The following ITIH1 variants were observed in gnomAD, a reference collection of about 807,000 sequenced individuals.
ITIH1 encodes the protein inter-alpha-trypsin inhibitor heavy chain H1.
A neutral mutation model predicts 104.6 loss-of-function variants in ITIH1; 94 were observed. That is an observed-to-expected ratio of 0.90 (90% CI 0.76 to 1.07). ITIH1 has a LOEUF of 1.07. Ranked by LOEUF, ITIH1 falls within the 50% of genes least tolerant of loss-of-function variation. The pLI, the probability that ITIH1 is intolerant of heterozygous loss-of-function variation, is 0.00. For missense variants in ITIH1, 1,193 were observed against 1,181.4 expected (o/e 1.01, Z -0.14); for synonymous variants, 455 against 464.4 (o/e 0.98, Z 0.26).
intron 18 of ITIH1, among the ~76,000 whole-genome samples, chr3:52,789,239 G>A (rs1699284228): frequency 6.6e-6 from 1 of 152,222 alleles, no homozygotes; most frequent in Non-Finnish European, 1.5e-5. Context: ...CATGAGACGT[G>A]CTGGGTTGGC....
At chr3:52,789,973 G>A (rs1699309906) in intron 19 of ITIH1, 119 bp downstream of exon 19, 1 of 1,000,542 alleles carries the variant, frequency 1.0e-6, no homozygotes, top group Admixed American at 2.0e-5. Context: ...CATGTGGCCT[G>A]TGCAGACATG....
intron 12 of ITIH1, among the ~76,000 whole-genome samples, chr3:52,785,491 A>T (rs1699177087): frequency 6.6e-6 from 1 of 152,174 alleles, no homozygotes; most frequent in East Asian, 1.9e-4. Flanking sequence ...TATTTTTCGC[A>T]TCATTCATCC....
In ITIH1 at chr3:52,781,927, T is replaced by A; in HGVS notation, c.688-13T>A. 1 of 1,614,018 alleles carries A rather than the reference T, an allele frequency of 6.2e-7. No individual in the cohort carries two copies. Among genetic ancestry groups the A allele is most frequent in the Non-Finnish European group, 8.5e-7 (1 of 1,179,960 alleles). On this transcript the variant is annotated splice_polypyrimidine_tract_variant and intron_variant, in intron 6 of 21. Transcript: ENST00000273283. ...CACAGACCAGTAATGGCTCACACTC[T>A]CGACGGTTCCAGGGTCATGTGCTGT...
At chr3:52,790,690 C>G (rs1699329943) in intron 19 of ITIH1, 59 bp from the exon 20 acceptor site, 1 of 1,554,840 alleles carries the variant, frequency 6.4e-7, no homozygotes, top group Non-Finnish European at 8.8e-7. Context: ...ACAAGGGCAG[C>G]TGAATGGAGA....
rs1699141340 is a variant in ITIH1, at chr3:52,784,319, C to T, written c.1249C>T (p.Leu417Phe). ...TEGVTDRSQI[L>F]KNVRNAIRGR... is the part of the protein sequence containing the mutation. ...AGGGGTGACGGACCGTTCCCAAATC[C>T]TCAAGAACGTCCGCAACGCCATCCG... is the stretch of plus-strand genomic sequence containing the variant. Residue 417 changes from leucine (L) to phenylalanine (F), a missense_variant, in exon 11 of 22, where the codon CTC (leucine) becomes TTC (phenylalanine). Transcript: ENST00000273283. 1 of 1,613,946 alleles carries T rather than the reference C, an allele frequency of 6.2e-7. No individual in the cohort carries two copies. The highest frequency in any genetic ancestry group is 8.5e-7 in the Non-Finnish European group (1 of 1,179,906).
In ITIH1 at chr3:52,791,906, T is replaced by G. The variant is rs778217291; in HGVS notation, c.2731T>G (p.Phe911Val). ...AYTDYIVPDI[F>V] ...CACTGATTATATCGTCCCCGACATC[T>G]TCTGAGCCCTCTGGCCAGCACGCCT... Residue 911 changes from phenylalanine to valine, a missense_variant, in exon 22 of 22, where the codon TTC becomes GTC. Transcript: ENST00000273283. 1.2e-6 allele frequency: 2 copies of G among 1,612,038 alleles called. No individual in the cohort carries two copies. The highest frequency in any genetic ancestry group is 3.3e-5 in the Admixed American group (2 of 59,808).
intron 3 of ITIH1, 195 bp downstream of exon 3, chr3:52,778,701 G>A (rs1476916898): frequency 1.4e-6 from 2 of 1,431,182 alleles, no homozygotes; most frequent in Non-Finnish European, 1.8e-6. Context: ...AGGCAAACTG[G>A]GACCCATCAC....
chr3:52,789,919 G>A (rs895514008), intron 19 of ITIH1, 65 bp downstream of exon 19: 69 of 1,520,020 alleles, frequency 4.5e-5, no homozygotes, highest in Non-Finnish European at 6.2e-5. Context: ...ACTCTGCTGA[G>A]TCTGCAGGGC....
chr3:52,783,479 A>C, intron 10 of ITIH1, 140 bp downstream of exon 10: 1 of 858,506 alleles, frequency 1.2e-6, no homozygotes, highest in South Asian at 1.7e-5. Context: ...CTGGTCTAAA[A>C]ACACAGCTCA....
rs555655951 is a variant in ITIH1, at chr3:52,781,832, C to T, written c.688-108C>T. On this transcript the variant is annotated intron_variant, in intron 6 of 21. Coordinates refer to ENST00000273283, the MANE Select transcript of ITIH1 (RefSeq NM_002215.4). Reference sequence around the variant, plus strand: ...GGCCCACCGAACTCGTTTCTCTGTCCGTGCAAACACACACACACACACACG... The same window carrying T: ...GGCCCACCGAACTCGTTTCTCTGTCTGTGCAAACACACACACACACACACG... 2.4e-4 allele frequency: 338 copies of T among 1,425,186 alleles called. 2 individuals carry two copies. The Admixed American group carries it at 5.9e-3, about 25-fold the overall frequency. 88.3% of individuals were successfully genotyped at this position (1,425,186 alleles called of 1,614,324 possible). A position where few individuals can be genotyped will look rare whatever the true frequency, so the allele number is the denominator to read the frequency against.
chr3:52,784,370 G>A lies in ITIH1; in HGVS notation c.1300G>A (p.Gly434Ser). The A allele has an allele frequency of 3.7e-6, 6 of 1,614,152 alleles. No individual in the cohort carries two copies. The highest frequency in any genetic ancestry group is 5.1e-6 in the Non-Finnish European group (6 of 1,180,004). Residue 434 changes from glycine (G) to serine (S), a missense_variant, in exon 11 of 22, where the codon GGT becomes AGT. By Grantham distance (56) the Gly-to-Ser change is moderately conservative (BLOSUM62 0). Coordinates refer to ENST00000273283, the MANE Select transcript of ITIH1 (RefSeq NM_002215.4). The stretch of plus-strand genomic sequence containing the variant: ...GGGCAGGTTCCCGCTCTACAACCTG[G>A]GTTTCGGCCACAATGTGGACTTTAA... ...IRGRFPLYNL[G>S]FGHNVDFNFL...
Position 52,788,299 on chromosome 3 carries a change from T to G in ITIH1, c.2073T>G (p.Asn691Lys). Residue 691 changes from asparagine to lysine, a missense_variant, in exon 18 of 22, where the codon AAT (asparagine) becomes AAG (lysine). Physicochemically the swap from Asn to Lys is moderately conservative, Grantham distance 94. Transcript: ENST00000273283. ...AGGACACCCTGTGCTTCAACATCAA[T>G]GAGGAGCCTGGTGTTATCCTGAGCC... ...QKEDTLCFNI[N>K]EEPGVILSLV... is the part of the protein sequence containing the mutation. The G allele has an allele frequency of 6.2e-7, 1 of 1,611,242 alleles. No homozygotes were observed. Among genetic ancestry groups the G allele is most frequent in the Non-Finnish European group, 8.5e-7 (1 of 1,178,762 alleles).
Position 52,779,590 on chromosome 3 carries a change from T to C in ITIH1, c.569T>C (p.Phe190Ser), listed in dbSNP as rs942509812. ...KVKPKQLVHH[F>S]EIDVDIFEPQ... ...AAGCCCAAGCAGCTGGTGCATCATT[T>C]TGAGGTAGATCACAGGTCCCGGGGC... Residue 190 changes from phenylalanine (F) to serine (S), a missense_variant, in exon 5 of 22, where the codon TTT becomes TCT. Physicochemically the swap from Phe to Ser is radical, Grantham distance 155. Transcript: ENST00000273283. This position sits in a 1 kb window ranked among gnomAD's most constrained non-coding sequence, Gnocchi z 4.4. The C allele has an allele frequency of 6.2e-7, 1 of 1,614,048 alleles. No homozygotes were observed. Among genetic ancestry groups the C allele is most frequent in the African/African-American group, 1.3e-5 (1 of 74,930 alleles).
chr3:52,790,139 C>CAA, intron 19 of ITIH1: 1 of 492,964 alleles, frequency 2.0e-6, no homozygotes, highest in Non-Finnish European at 3.7e-6. Flanking sequence ...CCAGGCCCAG[C>CAA]AAAGAGGCCA....
rs1275746299 is a variant in ITIH1, at chr3:52,785,092, C to T, written c.1456C>T (p.Gln486Ter). The change falls in exon 12 of 22, where the codon CAG (glutamine) becomes TAG (stop). Residue 486 changes from glutamine (Q) to a stop codon, truncating the protein, a stop_gained. Coordinates refer to ENST00000273283, the MANE Select transcript of ITIH1 (RefSeq NM_002215.4). LOFTEE classifies it high-confidence loss of function. Reference sequence around the variant, plus strand: ...ACCCCTGCTGGTGGATGTGGATTTGCAGTACCCCCAGGATGCTGTCTTGGC... The same window carrying T: ...ACCCCTGCTGGTGGATGTGGATTTGTAGTACCCCCAGGATGCTGTCTTGGC... ...AKPLLVDVDL[Q>*]YPQDAVLALT... 1 of 1,614,130 alleles carries T rather than the reference C, an allele frequency of 6.2e-7. No individual in the cohort carries two copies. Among genetic ancestry groups the T allele is most frequent in the South Asian group, 1.1e-5 (1 of 91,078 alleles).
chr3:52,790,069 C>T, intron 19 of ITIH1: 1 of 591,148 alleles, frequency 1.7e-6, no homozygotes, highest in East Asian at 2.8e-5. Context: ...ACTGTGCTCC[C>T]ACCGCACCTT....
Position 52,784,298 on chromosome 3 carries a change from G to A in ITIH1, c.1228G>A (p.Val410Met). 6.2e-7 allele frequency: 1 copy of A among 1,612,682 alleles called. No individual in the cohort carries two copies. Among genetic ancestry groups the A allele is most frequent in the South Asian group, 1.1e-5 (1 of 90,808 alleles). ...CTACCCAGGTGTGTGGCTTGCAGGG[G>A]TGACGGACCGTTCCCAAATCCTCAA... is the stretch of plus-strand genomic sequence containing the variant. Reference protein sequence around the residue: ...MLTDGDPTEGVTDRSQILKNV... With the variant: ...MLTDGDPTEGMTDRSQILKNV... The change falls in exon 11 of 22, where the codon GTG (valine) becomes ATG (methionine). Residue 410 changes from valine (V) to methionine (M), a missense_variant and splice_region_variant. Coordinates refer to ENST00000273283, the MANE Select transcript of ITIH1 (RefSeq NM_002215.4).
chr3:52,777,871 G>A, intron 1 of ITIH1, 126 bp from the exon 2 acceptor site: 2 of 1,403,198 alleles, frequency 1.4e-6, no homozygotes, highest in Non-Finnish European at 1.0e-6. Context: ...TGACCTCCCA[G>A]CACCACCAAG....
At chr3:52,789,253 G>A (rs751837054) in intron 18 of ITIH1, among the ~76,000 whole-genome samples, 1 of 152,202 alleles carries the variant, frequency 6.6e-6, no homozygotes, top group African/African-American at 2.4e-5. Context: ...GGTTGGCAGC[G>A]TGAGGGTGGG....
Sources: allele counts gnomAD v4.1 joint callset (sites outside exome capture counted in the v4.1 genomes callset), GRCh38; gene constraint gnomAD v4.1.1; non-coding constraint Gnocchi (gnomAD v3.1); transcripts MANE v1.5; gene names NCBI Gene and HGNC (gene_info 2026-07-23, HGNC 2026-07-21).